Variants in FAT3 observed in about 807,000 individuals in gnomAD.
FAT3 encodes protocadherin Fat 3.
FAT3 carries 95 observed loss-of-function variants against 310.2 expected under a neutral mutation model. That is an observed-to-expected ratio of 0.31 (90% CI 0.26 to 0.36). The LOEUF (loss-of-function observed/expected upper bound fraction) is 0.36, where lower values mean the gene tolerates loss of function less well. FAT3 is among the 10% of genes least tolerant of loss of function. The pLI, the probability that FAT3 is intolerant of heterozygous loss-of-function variation, is 1.00. For missense variants in FAT3, 5,408 were observed against 5,715.6 expected (o/e 0.95, Z 1.74); for synonymous variants, 2,314 against 2,192.9 (o/e 1.06, Z -1.54).
chr11:92,602,160 G>A (rs758760711), intron 3 of FAT3, among the ~76,000 whole-genome samples: 93 of 151,752 alleles, frequency 6.1e-4, no homozygotes, highest in Admixed American at 9.8e-4. Flanking sequence ...TGCAACCTCC[G>A]CCTCCAGGGT....
rs1463219604 is a variant in FAT3 at position 92,582,636 on chromosome 11, G to A, written c.3607+57688G>A. Among the ~76,000 whole-genome samples, 5 of 152,088 alleles carry A rather than the reference G, an allele frequency of 3.3e-5. No individual in the cohort carries two copies. In the East Asian group the frequency reaches 7.8e-4, roughly 24 times the overall value. Reference sequence around the variant, plus strand: ...AATTGGACTTCAGATGAAATCTGCTGGTCTGCAGAGGCATATGCTCTCTAA... The same window carrying A: ...AATTGGACTTCAGATGAAATCTGCTAGTCTGCAGAGGCATATGCTCTCTAA... On this transcript the variant is annotated intron_variant, in intron 3 of 27. Coordinates refer to ENST00000525166, the MANE Select transcript of FAT3 (RefSeq NM_001367949.2).
chr11:92,316,088 A>T (rs2134474356), intron 1 of FAT3, among the ~76,000 whole-genome samples: 1 of 152,138 alleles, frequency 6.6e-6, no homozygotes, highest in East Asian at 1.9e-4. Context: ...GGTGAAAAAA[A>T]GGATTCAAAA....
intron 2 of FAT3, among the ~76,000 whole-genome samples, chr11:92,402,844 C>CAA (rs747991950): frequency 2.3e-5 from 3 of 131,204 alleles, no homozygotes; most frequent in Non-Finnish European, 4.9e-5. Context: ...TATCAAAAAC[C>CAA]AAAAAAAAAA....
chr11:92,641,200 A>G (rs1350545241), intron 3 of FAT3, among the ~76,000 whole-genome samples: 1 of 152,152 alleles, frequency 6.6e-6, no homozygotes, highest in South Asian at 2.1e-4. Flanking sequence ...GTCCCCTACC[A>G]CACACAAAAA....
At chr11:92,559,106 C>A (rs1437679537) in intron 3 of FAT3, among the ~76,000 whole-genome samples, 3 of 152,046 alleles carry the variant, frequency 2.0e-5, no homozygotes, top group Admixed American at 6.6e-5. Flanking sequence ...TTAAAACATG[C>A]TTTTTGTTAT....
Position 92,353,425 on chromosome 11 carries a change from T to C in FAT3, c.1313T>C (p.Val438Ala). The C allele has an allele frequency of 6.2e-7, 1 of 1,613,494 alleles. No homozygotes were observed. Among genetic ancestry groups the C allele is most frequent in the Admixed American group, 1.7e-5 (1 of 59,864 alleles). The change falls in exon 2 of 28, where the codon GTT becomes GCT. Residue 438 changes from valine (V) to alanine (A), a missense_variant. Coordinates refer to ENST00000525166, the MANE Select transcript of FAT3 (RefSeq NM_001367949.2). ...LIVTARPLNT[V>A]KKEVYKLEVT... ...GTTACAGCACGGCCACTGAATACTG[T>C]TAAGAAGGAGGTTTATAAACTGGAG...
intron 2 of FAT3, among the ~76,000 whole-genome samples, chr11:92,423,908 A>G (rs946768929): frequency 3.3e-5 from 5 of 152,178 alleles, no homozygotes; most frequent in Non-Finnish European, 7.3e-5. Flanking sequence ...ACTGATTGTA[A>G]ATATTAATCA....
At position 92,759,703 on chromosome 11, in the gene FAT3, G is replaced by A. The variant is rs530511012; in HGVS notation, c.3670-2153G>A. On this transcript the variant is annotated intron_variant, in intron 4 of 27. Coordinates refer to ENST00000525166, the MANE Select transcript of FAT3 (RefSeq NM_001367949.2). ...GGGCTGTGCAGCTACCACACTTCCCGCCTGTAGGTAGACACCTCAAGGATT... is the reference window on the plus strand; with the variant it reads ...GGGCTGTGCAGCTACCACACTTCCCACCTGTAGGTAGACACCTCAAGGATT... 4.7e-4 allele frequency among the ~76,000 whole-genome samples: 71 copies of A among 152,218 alleles called. No individual in the cohort carries two copies. The South Asian group carries it at 0.013, about 29-fold the overall frequency.
At chr11:92,600,765 A>C (rs1381994937) in intron 3 of FAT3, among the ~76,000 whole-genome samples, 1 of 152,218 alleles carries the variant, frequency 6.6e-6, no homozygotes, top group Non-Finnish European at 1.5e-5. Context: ...CTCCTGGAAA[A>C]AAAATAAGAC....
In FAT3 at chr11:92,799,757, T is replaced by C; in HGVS notation, c.6744T>C (p.Tyr2248=). ...TGAAAGTTGTTAGCCCTTTGGATTATGAAGTTACATCTGCTTACAAGCTGA... is the reference window on the plus strand; with the variant it reads ...TGAAAGTTGTTAGCCCTTTGGATTACGAAGTTACATCTGCTTACAAGCTGA... ...GVLKVVSPLD[Y]EVTSAYKLTI... Residue 2248 remains tyrosine (Y), a synonymous_variant, in exon 10 of 28, where the codon TAT becomes TAC. Coordinates refer to ENST00000525166, the MANE Select transcript of FAT3 (RefSeq NM_001367949.2). The C allele has an allele frequency of 6.2e-7, 1 of 1,612,850 alleles. No individual in the cohort carries two copies. Among genetic ancestry groups the C allele is most frequent in the Non-Finnish European group, 8.5e-7 (1 of 1,179,376 alleles).
chr11:92,393,177 G>C (rs1214742389), intron 2 of FAT3, among the ~76,000 whole-genome samples: 1 of 152,104 alleles, frequency 6.6e-6, no homozygotes, highest in Non-Finnish European at 1.5e-5. Flanking sequence ...AGAGAGAGAT[G>C]AAAGAGACCT....
intron 1 of FAT3, among the ~76,000 whole-genome samples, chr11:92,252,733 T>A (rs1040109266): frequency 1.3e-5 from 2 of 152,200 alleles, no homozygotes; most frequent in Non-Finnish European, 2.9e-5. Flanking sequence ...CTATGCTGGC[T>A]GTGCATCAGA....
intron 1 of FAT3, among the ~76,000 whole-genome samples, chr11:92,334,179 C>G (rs2134549672): frequency 6.6e-6 from 1 of 152,178 alleles, no homozygotes; most frequent in Middle Eastern, 3.4e-3. Flanking sequence ...AGTTTGAGAT[C>G]AGCCTGGGCA....
At chr11:92,859,537 G>A (rs1949070072) in intron 21 of FAT3, among the ~76,000 whole-genome samples, 1 of 152,144 alleles carries the variant, frequency 6.6e-6, no homozygotes, top group South Asian at 2.1e-4. Flanking sequence ...GGTACATGGG[G>A]CATCTCTCTT....
intron 6 of FAT3, 114 bp from the exon 7 acceptor site, chr11:92,773,927 A>G: frequency 3.7e-6 from 4 of 1,083,662 alleles, no homozygotes; most frequent in Non-Finnish European, 5.3e-6. Flanking sequence ...ATTGAGCCAT[A>G]GGGATGCCTG....
intron 4 of FAT3, among the ~76,000 whole-genome samples, chr11:92,725,500 C>G (rs1944971859): frequency 6.6e-6 from 1 of 151,982 alleles, no homozygotes; most frequent in Non-Finnish European, 1.5e-5. Context: ...ACACAGCTCC[C>G]AGCATGATGG....
At chr11:92,227,070 C>A (rs1046816974) in intron 1 of FAT3, among the ~76,000 whole-genome samples, 5 of 152,198 alleles carry the variant, frequency 3.3e-5, no homozygotes, top group Non-Finnish European at 7.3e-5. Flanking sequence ...CTGGGCAGTG[C>A]CTGGGGAGGT....
intron 1 of FAT3, among the ~76,000 whole-genome samples, chr11:92,324,168 G>T (rs1001335541): frequency 6.6e-6 from 1 of 152,156 alleles, no homozygotes; most frequent in Non-Finnish European, 1.5e-5. Context: ...TCAGCAATAA[G>T]GCTGTTTTGC....
intron 4 of FAT3, among the ~76,000 whole-genome samples, chr11:92,719,911 T>C (rs1363402159): frequency 6.6e-6 from 1 of 152,138 alleles, no homozygotes; most frequent in African/African-American, 2.4e-5. Context: ...AACCTGGTGT[T>C]TGGGAAAAAG....
Sources: allele counts gnomAD v4.1 joint callset (sites outside exome capture counted in the v4.1 genomes callset), GRCh38; gene constraint gnomAD v4.1.1; transcripts MANE v1.5; gene names NCBI Gene and HGNC (gene_info 2026-07-23, HGNC 2026-07-21).